TYW1: variants seen among roughly 807,000 people sequenced by gnomAD.
TYW1 encodes tRNA-yW synthesizing protein 1 homolog, also known as S-adenosyl-L-methionine-dependent tRNA 4-demethylwyosine synthase TYW1.
TYW1 carries 46 observed loss-of-function variants against 96.2 expected under a neutral mutation model. That is an observed-to-expected ratio of 0.48 (90% CI 0.38 to 0.61). The LOEUF (loss-of-function observed/expected upper bound fraction) is 0.61, where lower values mean the gene tolerates loss of function less well. Among genes scored for constraint, TYW1 ranks in the 20% least tolerant of loss-of-function variants. TYW1 has a pLI of 0.00. For synonymous variants in TYW1, 274 were observed against 323.0 expected (o/e 0.85, Z 1.63); for missense variants, 684 against 909.6 (o/e 0.75, Z 3.19).
chr7:67,050,193 A>G (rs1795311911), intron 8 of TYW1, 127 bp downstream of exon 8: 1 of 1,136,592 alleles, frequency 8.8e-7, no homozygotes, highest in Non-Finnish European at 1.3e-6. Flanking sequence ...CAGTCTAAAG[A>G]TTTACCTTTT....
At chr7:67,180,921 G>A (rs1799820800) in intron 13 of TYW1, among the ~76,000 whole-genome samples, 1 of 152,138 alleles carries the variant, frequency 6.6e-6, no homozygotes, top group Non-Finnish European at 1.5e-5. Context: ...TGGGATTACA[G>A]GCGTGAGCCA....
At chr7:67,004,773 T>C (rs1394723935) in intron 3 of TYW1, among the ~76,000 whole-genome samples, 1 of 152,184 alleles carries the variant, frequency 6.6e-6, no homozygotes, top group Non-Finnish European at 1.5e-5. Flanking sequence ...TTTTCTTTTT[T>C]GAGACAGAGT....
chr7:67,080,950 T>TG (rs1309772928), intron 10 of TYW1, among the ~76,000 whole-genome samples: 3 of 145,074 alleles, frequency 2.1e-5, no homozygotes, highest in African/African-American at 7.7e-5. Flanking sequence ...GTTTTTTTTT[T>TG]TTTTTTTTTT....
chr7:66,996,986 A>G lies in TYW1; in HGVS notation c.4+4A>G. 3.1e-6 allele frequency: 5 copies of G among 1,614,132 alleles called. No individual in the cohort carries two copies. The highest frequency in any genetic ancestry group is 4.2e-6 in the Non-Finnish European group (5 of 1,180,000). On this transcript the variant is annotated splice_donor_region_variant and intron_variant, in intron 1 of 15. Coordinates refer to ENST00000359626, the MANE Select transcript of TYW1 (RefSeq NM_018264.4). ...CTGTCGGCTCTGAGGAGGATGGGTA[A>G]GGGCACTCGGCGGGCAAGGACCCTG...
chr7:67,013,499 CT>C (rs1162750260), intron 4 of TYW1, among the ~76,000 whole-genome samples: 2 of 152,082 alleles, frequency 1.3e-5, no homozygotes, highest in Non-Finnish European at 2.9e-5. Flanking sequence ...CATGGTTCCC[CT>C]ATTCCTTGGA....
intron 8 of TYW1, among the ~76,000 whole-genome samples, chr7:67,053,658 G>A (rs1795431622): frequency 6.6e-6 from 1 of 152,150 alleles, no homozygotes; most frequent in Non-Finnish European, 1.5e-5. Flanking sequence ...GGGATTTACA[G>A]GTGTGAGCCA....
intron 10 of TYW1, among the ~76,000 whole-genome samples, chr7:67,074,399 C>G (rs1340458632): frequency 6.6e-6 from 1 of 152,086 alleles, no homozygotes; most frequent in Admixed American, 6.6e-5. Context: ...GGGTAGTGCT[C>G]CTTAATCTTA....
At chr7:67,086,233 A>G (rs1417481652) in intron 11 of TYW1, among the ~76,000 whole-genome samples, 3 of 152,190 alleles carry the variant, frequency 2.0e-5, no homozygotes, top group African/African-American at 7.2e-5. Flanking sequence ...ATTAAATGAA[A>G]CTGTTGGTAA....
At chr7:67,138,772 C>T (rs778303153) in intron 13 of TYW1, among the ~76,000 whole-genome samples, 4 of 152,136 alleles carry the variant, frequency 2.6e-5, no homozygotes, top group Non-Finnish European at 4.4e-5. Flanking sequence ...GCATAATGAC[C>T]TCCAGTTCCA....
At chr7:67,107,113 T>C (rs1248264531) in intron 12 of TYW1, among the ~76,000 whole-genome samples, 1 of 152,220 alleles carries the variant, frequency 6.6e-6, no homozygotes, top group Non-Finnish European at 1.5e-5. Flanking sequence ...AGTATATGTT[T>C]GAAGAGATGA....
chr7:67,119,982 A>G (rs28760321), intron 13 of TYW1, among the ~76,000 whole-genome samples: 48,032 of 151,660 alleles, frequency 0.32, 8,194 homozygotes, highest in African/African-American at 0.45. Context: ...TGTAGAGACA[A>G]TCTCAAACTC....
intron 10 of TYW1, among the ~76,000 whole-genome samples, chr7:67,081,532 T>C (rs1796392788): frequency 6.6e-6 from 1 of 151,660 alleles, no homozygotes; most frequent in Admixed American, 6.6e-5. Flanking sequence ...CATTAAAACC[T>C]GTTTACTTTT....
chr7:67,028,574 T>C (rs1446423330), intron 7 of TYW1, among the ~76,000 whole-genome samples: 6 of 152,206 alleles, frequency 3.9e-5, no homozygotes, highest in Non-Finnish European at 8.8e-5. Context: ...ACTACACTGA[T>C]AAACATTTCT....
chr7:67,013,739 CTTTTTTT>C (rs931500833), intron 4 of TYW1, among the ~76,000 whole-genome samples: 3 of 97,516 alleles, frequency 3.1e-5, no homozygotes, highest in African/African-American at 4.3e-5. Flanking sequence ...GCATTTTTTC[CTTTTTTT>C]TTTTTTTTTT....
chr7:67,004,199 G>A (rs915207729), intron 3 of TYW1, among the ~76,000 whole-genome samples: 2 of 152,136 alleles, frequency 1.3e-5, no homozygotes, highest in Non-Finnish European at 2.9e-5. Context: ...TCTGGATTAG[G>A]ACAGTCATCT....
At chr7:67,116,054 A>C (rs570806981) in intron 12 of TYW1, among the ~76,000 whole-genome samples, 1 of 152,192 alleles carries the variant, frequency 6.6e-6, no homozygotes, top group Non-Finnish European at 1.5e-5. Context: ...AGCCAGGCAC[A>C]GTGGCTCACG....
chr7:66,998,232 G>A (rs757953944), intron 2 of TYW1, 37 bp downstream of exon 2: 1 of 1,580,298 alleles, frequency 6.3e-7, no homozygotes, highest in Non-Finnish European at 8.5e-7. Context: ...GGAGTATTTA[G>A]GCATCAGATT....
chr7:67,227,199 G>A (rs754923248), intron 15 of TYW1, among the ~76,000 whole-genome samples: 1 of 152,130 alleles, frequency 6.6e-6, no homozygotes, highest in Non-Finnish European at 1.5e-5. Flanking sequence ...GGAATGTCCT[G>A]CCTGATAAGA....
At chr7:67,013,986 G>A (rs901498073) in intron 4 of TYW1, among the ~76,000 whole-genome samples, 12 of 151,862 alleles carry the variant, frequency 7.9e-5, no homozygotes, top group African/African-American at 2.2e-4. Context: ...ATTGTGATCC[G>A]CCCGCCTCAG....
Sources: allele counts gnomAD v4.1 joint callset (sites outside exome capture counted in the v4.1 genomes callset), GRCh38; gene constraint gnomAD v4.1.1; transcripts MANE v1.5; gene names NCBI Gene and HGNC (gene_info 2026-07-23, HGNC 2026-07-21).